ELMO1: variants seen among roughly 807,000 people sequenced by gnomAD.
ELMO1 encodes the protein engulfment and cell motility 1.
In ELMO1, 26 loss-of-function variants were observed where a neutral mutation model predicts 98.9. The ratio of observed to expected loss-of-function variants is 0.26; its 90% CI spans 0.19 to 0.36. The LOEUF is 0.36. Ranked by LOEUF, ELMO1 falls within the 10% of genes least tolerant of loss-of-function variation. ELMO1 has a pLI of 1.00. For missense variants in ELMO1, 627 were observed against 935.2 expected, an observed-to-expected ratio of 0.67 and a Z score of 4.30; for synonymous variants, 346 against 346.0, an observed-to-expected ratio of 1.00 and a Z score of 0.00.
intron 2 of ELMO1, among the ~76,000 whole-genome samples, chr7:37,322,246 G>A (rs1799557669): frequency 6.6e-6 from 1 of 152,096 alleles, no homozygotes; most frequent in African/African-American, 2.4e-5. Context: ...GGGAGGCCAA[G>A]GCAGGTGGAT....
chr7:37,213,758 G>A (rs569236612), intron 11 of ELMO1, among the ~76,000 whole-genome samples: 76 of 152,278 alleles, frequency 5.0e-4, no homozygotes, highest in Non-Finnish European at 9.0e-4. Context: ...TGCTTGAAAT[G>A]GGGGTGTCTC....
chr7:37,217,219 G>A (rs1377780706), intron 10 of ELMO1, among the ~76,000 whole-genome samples: 2 of 151,766 alleles, frequency 1.3e-5, no homozygotes, highest in African/African-American at 4.8e-5. Context: ...GTGATGCAAA[G>A]CTCTAGAGTC....
chr7:37,209,010 T>TAAA (rs112233572), intron 13 of ELMO1, among the ~76,000 whole-genome samples: 1 of 145,504 alleles, frequency 6.9e-6, no homozygotes, highest in Non-Finnish European at 1.5e-5. Flanking sequence ...AACTTTCAGT[T>TAAA]AAAAAAAAAA....
chr7:37,132,252 T>C (rs1255032445), intron 14 of ELMO1, among the ~76,000 whole-genome samples: 1 of 152,194 alleles, frequency 6.6e-6, no homozygotes, highest in African/African-American at 2.4e-5. Flanking sequence ...ATGGACATGC[T>C]CTTACCATAT....
At chr7:37,327,531 G>C (rs1372089428) in intron 2 of ELMO1, among the ~76,000 whole-genome samples, 1 of 152,200 alleles carries the variant, frequency 6.6e-6, no homozygotes, top group Non-Finnish European at 1.5e-5. Flanking sequence ...TTGAAAGTAA[G>C]ACAGCAGTCA....
At chr7:37,179,973 A>G (rs1304550432) in intron 13 of ELMO1, among the ~76,000 whole-genome samples, 1 of 152,226 alleles carries the variant, frequency 6.6e-6, no homozygotes, top group Admixed American at 6.5e-5. Flanking sequence ...TTAAGAATTT[A>G]CATTGTAAAT....
chr7:37,390,377 C>A (rs1301880139), intron 1 of ELMO1, among the ~76,000 whole-genome samples: 3 of 152,160 alleles, frequency 2.0e-5, no homozygotes, highest in African/African-American at 7.2e-5. Context: ...AGAACTCCTC[C>A]CATCAAGTAG....
intron 15 of ELMO1, among the ~76,000 whole-genome samples, chr7:37,086,760 A>G (rs948665744): frequency 8.6e-6 from 1 of 115,726 alleles, no homozygotes; most frequent in Non-Finnish European, 1.7e-5. Flanking sequence ...AAAAAAAAAA[A>G]AAAAAGAAAT....
rs1788388420 is a variant in ELMO1 at position 37,151,890 on chromosome 7, A to G, written c.1087-18656T>C. On this transcript the variant is annotated intron_variant, in intron 13 of 21. Coordinates refer to ENST00000310758, the MANE Select transcript of ELMO1 (RefSeq NM_014800.11). ...GGTCAGGAGCAACAGAAATACGGTG[A>G]CTTCTGCTTCAGTTTTGTTTTAGCC... Among the ~76,000 whole-genome samples, 8 of 152,260 alleles carry G rather than the reference A, an allele frequency of 5.3e-5. No homozygotes were observed. In the South Asian group the frequency reaches 1.7e-3, roughly 32 times the overall value.
At chr7:36,966,862 G>A (rs1789481147) in intron 16 of ELMO1, among the ~76,000 whole-genome samples, 1 of 152,240 alleles carries the variant, frequency 6.6e-6, no homozygotes, top group African/African-American at 2.4e-5. Flanking sequence ...TGGAAAACAT[G>A]ATAAGCAGCA....
At chr7:36,961,393 A>C (rs1301673180) in intron 16 of ELMO1, among the ~76,000 whole-genome samples, 1 of 152,230 alleles carries the variant, frequency 6.6e-6, no homozygotes. Flanking sequence ...AAGCTGTTTT[A>C]AAAGCTAATC....
intron 13 of ELMO1, among the ~76,000 whole-genome samples, chr7:37,182,956 C>T (rs931859295): frequency 6.6e-6 from 1 of 152,174 alleles, no homozygotes; most frequent in African/African-American, 2.4e-5. Flanking sequence ...ATGGCTCATA[C>T]CTTTGCTATG....
At chr7:37,143,711 ATT>A (rs11407170) in intron 13 of ELMO1, among the ~76,000 whole-genome samples, 6 of 115,776 alleles carry the variant, frequency 5.2e-5, no homozygotes, top group South Asian at 6.4e-4. Context: ...CAGCCGGTCG[ATT>A]TTTTTTTTTT....
Position 36,895,022 on chromosome 7 carries a change from A to G in ELMO1, c.1438-5T>C, listed in dbSNP as rs1020708375. 1 of 1,612,572 alleles carries G rather than the reference A, an allele frequency of 6.2e-7. No individual in the cohort carries two copies. Among genetic ancestry groups the G allele is most frequent in the South Asian group, 1.1e-5 (1 of 90,908 alleles). ...CTCCTTCACCACCTGCATTACCTGA[A>G]GATGAAAGGAAGACCATCATTTTCC... On this transcript the variant is annotated splice_polypyrimidine_tract_variant and splice_region_variant and intron_variant, in intron 16 of 21. Coordinates refer to ENST00000310758, the MANE Select transcript of ELMO1 (RefSeq NM_014800.11).
chr7:37,258,440 TAA>T (rs146077523), intron 6 of ELMO1, among the ~76,000 whole-genome samples: 1 of 149,222 alleles, frequency 6.7e-6, no homozygotes, highest in African/African-American at 2.5e-5. Flanking sequence ...CCATCTCAAA[TAA>T]AAAAAAATAA....
chr7:37,391,006 C>CCTT (rs1554304301), intron 1 of ELMO1, among the ~76,000 whole-genome samples: 6 of 130,154 alleles, frequency 4.6e-5, no homozygotes, highest in African/African-American at 1.7e-4. Context: ...GGAAAGTAGT[C>CCTT]CCTTCCTTCC....
chr7:37,424,638 C>G (rs1241731599), intron 1 of ELMO1, among the ~76,000 whole-genome samples: 1 of 152,128 alleles, frequency 6.6e-6, no homozygotes, highest in Non-Finnish European at 1.5e-5. Context: ...AAATTCCAAC[C>G]AATGACACAA....
At chr7:37,212,024 A>G (rs143322990) in intron 12 of ELMO1, among the ~76,000 whole-genome samples, 1 of 152,240 alleles carries the variant, frequency 6.6e-6, no homozygotes, top group Non-Finnish European at 1.5e-5. Context: ...TGGTGTGGAC[A>G]TACAATGGGA....
chr7:37,449,302 C>A (rs1805797161), upstream of ELMO1: 1 of 152,132 alleles, frequency 6.6e-6, no homozygotes, highest in Admixed American at 6.5e-5. Context: ...CGAGTAGCAT[C>A]TTTTCACATC....
Sources: gnomAD v4.1 joint callset for allele counts (sites outside exome capture counted in the v4.1 genomes callset) on GRCh38, gnomAD v4.1.1 for gene constraint, MANE v1.5 for transcripts, NCBI Gene and HGNC (gene_info 2026-07-23, HGNC 2026-07-21) for gene names.